NCOR2: variants seen among roughly 807,000 people sequenced by gnomAD.
NCOR2 encodes the protein CTG repeat protein 26.
A neutral mutation model predicts 262.9 loss-of-function variants in NCOR2; 81 were observed. That is an observed-to-expected ratio of 0.31 (90% CI 0.26 to 0.37). NCOR2 has a LOEUF of 0.37. NCOR2 is among the 10% of genes least tolerant of loss of function. NCOR2 has a pLI of 1.00. For missense variants in NCOR2, 3,385 were observed against 3,621.4 expected (o/e 0.93, Z 1.68); for synonymous variants, 1,659 against 1,559.3 (o/e 1.06, Z -1.51).
chr12:124,444,626 T>C (rs2045030540), intron 7 of NCOR2, among the ~76,000 whole-genome samples: 1 of 151,614 alleles, frequency 6.6e-6, no homozygotes. Flanking sequence ...GCAGCAATAG[T>C]GAATCTGGAG....
At chr12:124,333,015 C>T in intron 42 of NCOR2, 115 bp downstream of exon 44, 1 of 1,389,158 alleles carries the variant, frequency 7.2e-7, no homozygotes, top group South Asian at 1.5e-5. Context: ...TGAGGTCACC[C>T]AGCTGAGCCC....
In NCOR2 at chr12:124,336,733, CGCT is replaced by C. The variant is rs1566358955; in HGVS notation, c.6115+17_6115+19del. On this transcript the variant is annotated intron_variant, in intron 38 of 46. Transcript: ENST00000405201. ...TGATAATCGCGTCTATGAAGGTGGC[CGCT>C]GTCAGGGTGGTCTTACCCAGAGAAC... is the stretch of plus-strand genomic sequence containing the variant. The C allele has an allele frequency of 1.1e-5, 17 of 1,610,918 alleles. No homozygotes were observed. Among genetic ancestry groups the C allele is most frequent in the Non-Finnish European group, 1.4e-5 (16 of 1,179,044 alleles).
chr12:124,521,165 G>A (rs1023516898), intron 1 of NCOR2, among the ~76,000 whole-genome samples: 2 of 152,180 alleles, frequency 1.3e-5, no homozygotes, highest in Non-Finnish European at 2.9e-5. Flanking sequence ...CCGCAGCTAC[G>A]CTTCAGCATC....
chr12:124,500,475 A>C (rs1180974911), intron 1 of NCOR2, among the ~76,000 whole-genome samples: 3 of 152,176 alleles, frequency 2.0e-5, no homozygotes, highest in Admixed American at 2.0e-4. Flanking sequence ...TCCACAGCGG[A>C]AAGCTCAGGC....
chr12:124,332,416 G>A (rs1347421366), exon 43 of NCOR2: 1 of 1,614,240 alleles, frequency 6.2e-7, no homozygotes, highest in South Asian at 1.1e-5. Flanking sequence ...TCAGCTTGCT[G>A]AAGAAGGCTG....
At chr12:124,374,367 G>A (rs1288523613) in intron 19 of NCOR2, 46 bp downstream of exon 21, 10 of 1,595,032 alleles carry the variant, frequency 6.3e-6, no homozygotes, top group Admixed American at 1.7e-5. Flanking sequence ...TGGGATGCCC[G>A]CCCCGGCCCG....
chr12:124,334,975 A>G, intron 40 of NCOR2, 160 bp downstream of exon 42: 1 of 1,093,970 alleles, frequency 9.1e-7, no homozygotes, highest in Non-Finnish European at 1.3e-6. Context: ...GGGCTTTGGG[A>G]TCTCACCCTC....
chr12:124,327,077 A>G (rs2034730984), intron 45 of NCOR2, among the ~76,000 whole-genome samples: 1 of 152,104 alleles, frequency 6.6e-6, no homozygotes, highest in African/African-American at 2.4e-5. Context: ...CTCTCCCCCA[A>G]GGAGACAGAT....
chr12:124,400,524 G>T (rs775726810), exon 15 of NCOR2: 8 of 1,613,920 alleles, frequency 5.0e-6, no homozygotes, highest in East Asian at 2.2e-5. Context: ...CTGCTGGGGG[G>T]TGATGGCCTC....
chr12:124,425,988 T>G (rs912707881), intron 11 of NCOR2, among the ~76,000 whole-genome samples: 1 of 152,164 alleles, frequency 6.6e-6, no homozygotes, highest in African/African-American at 2.4e-5. Context: ...GCAGCTATTG[T>G]CAAAGACAAA....
intron 17 of NCOR2, among the ~76,000 whole-genome samples, chr12:124,384,137 C>A (rs1249333707): frequency 6.6e-6 from 1 of 152,198 alleles, no homozygotes; most frequent in African/African-American, 2.4e-5. Flanking sequence ...AAGCCCTGCC[C>A]CCAAGTCATC....
intron 45 of NCOR2, among the ~76,000 whole-genome samples, chr12:124,326,820 C>G (rs546917507): frequency 1.3e-4 from 19 of 151,892 alleles, no homozygotes; most frequent in Non-Finnish European, 2.8e-4. Flanking sequence ...CTTCTTGGGG[C>G]CTCAGTGTCC....
intron 1 of NCOR2, among the ~76,000 whole-genome samples, chr12:124,491,172 G>A (rs563199897): frequency 2.6e-5 from 4 of 151,536 alleles, no homozygotes; most frequent in Non-Finnish European, 4.4e-5. Flanking sequence ...AGAGAAGGTT[G>A]TGCTCACCCC....
At chr12:124,522,082 C>T (rs2050219891) in intron 1 of NCOR2, among the ~76,000 whole-genome samples, 1 of 152,216 alleles carries the variant, frequency 6.6e-6, no homozygotes, top group South Asian at 2.1e-4. Context: ...CCCAGTTTAC[C>T]GACTTCCTGA....
At chr12:124,479,326 G>A (rs567429129) in intron 3 of NCOR2, among the ~76,000 whole-genome samples, 5 of 148,890 alleles carry the variant, frequency 3.4e-5, no homozygotes, top group African/African-American at 7.5e-5. Context: ...ATGCACACAC[G>A]TGCGCACACA....
At chr12:124,419,961 C>G in exon 13 of NCOR2, 1 of 1,613,846 alleles carries the variant, frequency 6.2e-7, no homozygotes, top group East Asian at 2.2e-5. Context: ...TCTTACCTGG[C>G]TCTTGCCGCG....
chr12:124,560,494 C>T (rs1357639932), intron 1 of NCOR2, among the ~76,000 whole-genome samples: 1 of 152,208 alleles, frequency 6.6e-6, no homozygotes, highest in Non-Finnish European at 1.5e-5. Context: ...GTGGGCTGGC[C>T]GGATTTGGCC....
chr12:124,513,202 C>T (rs1215365949), intron 1 of NCOR2: 1 of 152,260 alleles, frequency 6.6e-6, no homozygotes, highest in Non-Finnish European at 1.5e-5. Context: ...TGTTATTAGC[C>T]TGGGAAGGAG....
intron 16 of NCOR2, among the ~76,000 whole-genome samples, chr12:124,393,855 C>A (rs1217466529): frequency 6.6e-6 from 1 of 152,254 alleles, no homozygotes; most frequent in African/African-American, 2.4e-5. Flanking sequence ...CCAGCAGTGC[C>A]CAGCACGCAG....
Sources: allele counts gnomAD v4.1 joint callset (sites outside exome capture counted in the v4.1 genomes callset), GRCh38; gene constraint gnomAD v4.1.1; transcripts MANE v1.5; gene names NCBI Gene and HGNC (gene_info 2026-07-23, HGNC 2026-07-21).